The following ABR variants were observed in gnomAD, a reference collection of about 807,000 sequenced individuals.
ABR encodes the protein active breakpoint cluster region-related protein.
ABR carries 35 observed loss-of-function variants against 107.2 expected under a neutral mutation model. That is an observed-to-expected ratio of 0.33 (90% CI 0.25 to 0.43). The LOEUF (loss-of-function observed/expected upper bound fraction) is 0.43, where lower values mean the gene tolerates loss of function less well. ABR is among the 20% of genes least tolerant of loss of function. The pLI, the probability that ABR is intolerant of heterozygous loss-of-function variation, is 1.00. For synonymous variants in ABR, 498 were observed against 462.0 expected, an observed-to-expected ratio of 1.08 and a Z score of -1.00; for missense variants, 815 against 1,115.2, an observed-to-expected ratio of 0.73 and a Z score of 3.83.
intron 16 of ABR, among the ~76,000 whole-genome samples, chr17:1,019,202 C>T (rs780915347): frequency 6.6e-6 from 1 of 152,202 alleles, no homozygotes; most frequent in Non-Finnish European, 1.5e-5. Context: ...CAGGACTGCA[C>T]CTCCTGATGC....
At chr17:1,163,099 T>C (rs2041368527) in intron 1 of ABR, among the ~76,000 whole-genome samples, 1 of 152,190 alleles carries the variant, frequency 6.6e-6, no homozygotes, top group African/African-American at 2.4e-5. Context: ...CATTAATCTT[T>C]TGCTCCATTA....
chr17:1,064,109 A>G (rs368330833), intron 10 of ABR, among the ~76,000 whole-genome samples: 196 of 37,852 alleles, frequency 5.2e-3, no homozygotes, highest in Middle Eastern at 0.036. Flanking sequence ...TCCTCTAGAC[A>G]CTGTTGTTAT....
At chr17:1,079,788 C>CAAAAAAAAA (rs57412625) in intron 5 of ABR, among the ~76,000 whole-genome samples, 33 of 55,114 alleles carry the variant, frequency 6.0e-4, no homozygotes, top group East Asian at 1.0e-3. Flanking sequence ...GACTCTGTCT[C>CAAAAAAAAA]AAAAAAAAAA....
At chr17:1,190,863 T>C (rs1041347056), upstream of ABR, among the ~76,000 whole-genome samples, 3 of 152,222 alleles carry the variant, frequency 2.0e-5, no homozygotes, top group African/African-American at 7.2e-5. Context: ...ATGACTTTGA[T>C]GAACCTCCAA....
At position 1,175,339 on chromosome 17, in the gene ABR, G is replaced by A. The variant is rs575963150; in HGVS notation, c.61+4328C>T. Among the ~76,000 whole-genome samples the A allele has an allele frequency of 2.6e-5, 4 of 152,292 alleles. No homozygotes were observed. The East Asian group carries it at 7.7e-4, about 30-fold the overall frequency. ...AGGCAGGAGAATCGCTTGAACCGGGGAGGCGGAGGTTGCAGTGAGCCGAGA... is the reference window on the plus strand; with the variant it reads ...AGGCAGGAGAATCGCTTGAACCGGGAAGGCGGAGGTTGCAGTGAGCCGAGA... On this transcript the variant is annotated intron_variant, in intron 1 of 22. Transcript: ENST00000302538.
At chr17:1,196,053 A>C (rs1598108079) in intron 1 of ABR, among the ~76,000 whole-genome samples, 1 of 144,342 alleles carries the variant, frequency 6.9e-6, no homozygotes, top group East Asian at 2.1e-4. Flanking sequence ...CGCTTGAACC[A>C]AGAAGGAGAA....
At chr17:1,079,737 C>T (rs2036060773) in intron 5 of ABR, among the ~76,000 whole-genome samples, 1 of 126,508 alleles carries the variant, frequency 7.9e-6, no homozygotes, top group African/African-American at 2.9e-5. Flanking sequence ...TGCAGTGAGC[C>T]AAGATCACAC....
intron 3 of ABR, among the ~76,000 whole-genome samples, chr17:1,100,018 C>T (rs12942833): frequency 2.6e-5 from 4 of 151,208 alleles, no homozygotes; most frequent in African/African-American, 9.7e-5. Context: ...TCCAGCCACT[C>T]GGGAGGCTGA....
At chr17:1,038,667 C>T (rs1484097248) in intron 16 of ABR, among the ~76,000 whole-genome samples, 5 of 152,208 alleles carry the variant, frequency 3.3e-5, no homozygotes, top group South Asian at 2.1e-4. Flanking sequence ...CCCCAGGCCA[C>T]GGCAAGGGCG....
intron 2 of ABR, among the ~76,000 whole-genome samples, chr17:1,117,821 C>T (rs1311411623): frequency 1.2e-5 from 1 of 84,322 alleles, no homozygotes; most frequent in South Asian, 3.8e-4. Flanking sequence ...GTCCTCCCAG[C>T]GTTATCCCTG....
In ABR at chr17:1,125,787, TGTCACTTCCTGTG is replaced by T. The variant is rs549759072; in HGVS notation, c.62-433_62-421del. The T allele has an allele frequency of 3.2e-4, 67 of 210,314 alleles. No individual in the cohort carries two copies. The Middle Eastern group carries it at 6.5e-3, about 20-fold the overall frequency. 13.0% of individuals were successfully genotyped at this position (210,314 alleles called of 1,614,324 possible). On this transcript the variant is annotated intron_variant, in intron 1 of 22. Transcript: ENST00000302538. ...TAAGGAGGTGGGGGGGGCCGGTCGATGTCACTTCCTGTGGCCCTCCTCCTTGGGTACCATTTGT... is the reference window on the plus strand; with the variant it reads ...TAAGGAGGTGGGGGGGGCCGGTCGATGCCCTCCTCCTTGGGTACCATTTGT...
chr17:1,201,568 G>A (rs1307522961), intron 1 of ABR, among the ~76,000 whole-genome samples: 6 of 152,112 alleles, frequency 3.9e-5, no homozygotes, highest in Non-Finnish European at 7.4e-5. Context: ...AAGAGATGAC[G>A]GCAACCCCGA....
chr17:1,065,661 A>G (rs2034640181), intron 10 of ABR, among the ~76,000 whole-genome samples: 1 of 151,970 alleles, frequency 6.6e-6, no homozygotes, highest in Non-Finnish European at 1.5e-5. Context: ...TCATTTCCAG[A>G]CAGCACTAAA....
chr17:1,115,096 G>T (rs1409973168), intron 2 of ABR, among the ~76,000 whole-genome samples: 1 of 152,132 alleles, frequency 6.6e-6, no homozygotes, highest in Non-Finnish European at 1.5e-5. Flanking sequence ...AGGGAAGGGG[G>T]GCCCCATAGG....
chr17:1,064,196 T>C (rs375185291), intron 10 of ABR, among the ~76,000 whole-genome samples: 18 of 129,950 alleles, frequency 1.4e-4, no homozygotes, highest in South Asian at 5.4e-4. Flanking sequence ...CTAGACACTG[T>C]TGTTACGTGA....
chr17:1,121,933 C>T (rs995427475), intron 2 of ABR, among the ~76,000 whole-genome samples: 5 of 152,194 alleles, frequency 3.3e-5, no homozygotes, highest in Non-Finnish European at 5.9e-5. Context: ...GATGGAGTCT[C>T]GCTTTGTCAC....
At chr17:1,196,941 G>T (rs998556982) in intron 1 of ABR, among the ~76,000 whole-genome samples, 20 of 151,654 alleles carry the variant, frequency 1.3e-4, no homozygotes, top group Admixed American at 6.6e-4. Context: ...TGATCCATCC[G>T]CCTCGGCCTC....
Position 1,050,192 on chromosome 17 carries a change from A to G in ABR, c.1660-11T>C, listed in dbSNP as rs753035154. The G allele has an allele frequency of 1.2e-6, 2 of 1,610,250 alleles. No homozygotes were observed. Among genetic ancestry groups the G allele is most frequent in the African/African-American group, 2.7e-5 (2 of 74,842 alleles). On this transcript the variant is annotated splice_polypyrimidine_tract_variant and intron_variant, in intron 15 of 22. Coordinates refer to ENST00000302538, the MANE Select transcript of ABR (RefSeq NM_021962.5). This position sits in a 1 kb window ranked among gnomAD's most constrained non-coding sequence, Gnocchi z 4.6. ...CTCGATCTCAAACTCCTGGGGAAAGATGGGACAAAGGGCCCTGAACCTCCG... is the reference window on the plus strand; with the variant it reads ...CTCGATCTCAAACTCCTGGGGAAAGGTGGGACAAAGGGCCCTGAACCTCCG...
chr17:1,140,737 CATG>C (rs2151494902), intron 1 of ABR, among the ~76,000 whole-genome samples: 1 of 152,228 alleles, frequency 6.6e-6, no homozygotes, highest in South Asian at 2.1e-4. Flanking sequence ...CACCCGCCAC[CATG>C]CCCGGCTAAT....
Sources: allele counts gnomAD v4.1 joint callset (sites outside exome capture counted in the v4.1 genomes callset), GRCh38; gene constraint gnomAD v4.1.1; non-coding constraint Gnocchi (gnomAD v3.1); transcripts MANE v1.5; gene names NCBI Gene and HGNC (gene_info 2026-07-23, HGNC 2026-07-21).